The following ERG variants were observed in gnomAD, a reference collection of about 807,000 sequenced individuals.
ERG encodes the protein transcriptional regulator ERG.
Under a neutral mutation model 55.3 loss-of-function variants are expected in ERG, and 9 were observed. That is an observed-to-expected ratio of 0.16 (90% CI 0.10 to 0.28). The LOEUF is 0.28. ERG is among the 10% of genes least tolerant of loss of function. ERG has a pLI of 1.00. For missense variants in ERG, 434 were observed against 631.6 expected (o/e 0.69, Z 3.35); for synonymous variants, 223 against 237.3 (o/e 0.94, Z 0.55).
intron 2 of ERG, among the ~76,000 whole-genome samples, chr21:38,556,095 G>A (rs922683756): frequency 6.6e-6 from 1 of 151,964 alleles, no homozygotes; most frequent in African/African-American, 2.4e-5. Flanking sequence ...GGATGAAATT[G>A]CATAGGTCAC....
intron 1 of ERG, among the ~76,000 whole-genome samples, chr21:38,449,374 A>G (rs2058920528): frequency 6.6e-6 from 1 of 152,180 alleles, no homozygotes; most frequent in Non-Finnish European, 1.5e-5. Flanking sequence ...ATTACCCCCA[A>G]ACAAAAGGTA....
chr21:38,372,000 A>T, the ERG span, among the ~76,000 whole-genome samples: 1 of 152,066 alleles, frequency 6.6e-6, no homozygotes, highest in Admixed American at 6.6e-5. Context: ...AAAAGCTATG[A>T]CTATGAATTC....
At chr21:38,533,661 T>A (rs1212970343) in intron 2 of ERG, among the ~76,000 whole-genome samples, 1 of 152,244 alleles carries the variant, frequency 6.6e-6, no homozygotes, top group Non-Finnish European at 1.5e-5. Flanking sequence ...CTGGGGTATA[T>A]CATGTGTTTT....
rs777594899 is a variant in ERG at position 38,390,996 on chromosome 21, T to C, written c.918A>G (p.Pro306=). The C allele has an allele frequency of 1.2e-6, 2 of 1,612,748 alleles. No homozygotes were observed. Among genetic ancestry groups the C allele is most frequent in the Non-Finnish European group, 1.7e-6 (2 of 1,179,228 alleles). Residue 306 remains proline, a splice_region_variant and synonymous_variant, in exon 9 of 10, where the codon CCA becomes CCG. Transcript: ENST00000288319. ...LGPTSSRLAN[P]GSGQIQLWQF... ...AGAAAATCATCAGCAGTTTCTCACC[T>C]GGATTTGCAAGGCGGCTACTTGTTG...
At chr21:38,560,375 C>A (rs2146834345) in intron 2 of ERG, among the ~76,000 whole-genome samples, 1 of 152,272 alleles carries the variant, frequency 6.6e-6, no homozygotes, top group South Asian at 2.1e-4. Flanking sequence ...TCAGGCCCTG[C>A]CTCATCCCAG....
Position 38,383,172 on chromosome 21 carries a change from C to G in ERG, c.*231G>C. 8.0e-7 allele frequency: 1 copy of G among 1,250,024 alleles called. No homozygotes were observed. Among genetic ancestry groups the G allele is most frequent in the Non-Finnish European group, 1.0e-6 (1 of 997,132 alleles). The allele number at this position is 1,250,024 out of a possible 1,614,324, so 77.4% of individuals were successfully genotyped here. A position where few individuals can be genotyped will look rare whatever the true frequency, so the allele number is the denominator to read the frequency against. On this transcript the variant is annotated 3_prime_UTR_variant, in exon 10 of 10. Coordinates refer to ENST00000288319, the MANE Select transcript of ERG (RefSeq NM_182918.4). This position sits in a 1 kb window ranked among gnomAD's most constrained non-coding sequence, Gnocchi z 5.7. The stretch of plus-strand genomic sequence containing the variant: ...TACACTGTCTTTTACAAGGTCAGTC[C>G]ACAGATGATATGTCCATATTCGTGA...
At chr21:38,522,090 TTAATC>T (rs1306125166) in intron 2 of ERG, among the ~76,000 whole-genome samples, 2 of 152,190 alleles carry the variant, frequency 1.3e-5, no homozygotes, top group African/African-American at 4.8e-5. Flanking sequence ...AAGAGTTGCT[TTAATC>T]TAAACCTAAA....
At chr21:38,435,361 G>A (rs937260804) in intron 2 of ERG, among the ~76,000 whole-genome samples, 1 of 152,128 alleles carries the variant, frequency 6.6e-6, no homozygotes, top group Non-Finnish European at 1.5e-5. Context: ...GGTAATTTGT[G>A]GGTCTGTTTT....
At chr21:38,549,941 C>G (rs898364833) in intron 2 of ERG, among the ~76,000 whole-genome samples, 2 of 152,138 alleles carry the variant, frequency 1.3e-5, no homozygotes, top group African/African-American at 2.4e-5. Context: ...ATAGGTTACA[C>G]GGAAAAATTC....
chr21:38,415,369 G>A (rs189461475), intron 3 of ERG, among the ~76,000 whole-genome samples: 347 of 152,286 alleles, frequency 2.3e-3, no homozygotes, highest in Non-Finnish European at 3.0e-3. Flanking sequence ...AGTAGCTGTC[G>A]TTGCTTTTTA....
chr21:38,459,090 C>T (rs1426799673), intron 1 of ERG, among the ~76,000 whole-genome samples: 6 of 152,102 alleles, frequency 3.9e-5, no homozygotes, highest in Non-Finnish European at 8.8e-5. Flanking sequence ...GTCAGCTTTC[C>T]TCTGTGCACT....
At chr21:38,524,158 C>A (rs375316383) in intron 2 of ERG, among the ~76,000 whole-genome samples, 5 of 152,306 alleles carry the variant, frequency 3.3e-5, no homozygotes, top group African/African-American at 1.2e-4. Flanking sequence ...TGACACACTG[C>A]CAGCTCCAGA....
At chr21:38,576,434 AT>A in intron 1 of ERG, among the ~76,000 whole-genome samples, 1 of 152,322 alleles carries the variant, frequency 6.6e-6, no homozygotes, top group African/African-American at 2.4e-5. Flanking sequence ...CCCAAAAAAA[AT>A]TTGGTTTGAC....
In ERG at chr21:38,382,376, C is replaced by A. The variant is rs1439537605; in HGVS notation, c.*1027G>T. 9.4e-7 allele frequency: 1 copy of A among 1,060,270 alleles called. No homozygotes were observed. The allele number at this position is 1,060,270 out of a possible 1,614,324, so 65.7% of individuals were successfully genotyped here. A position where few individuals can be genotyped will look rare whatever the true frequency, so the allele number is the denominator to read the frequency against. On this transcript the variant is annotated 3_prime_UTR_variant, in exon 10 of 10. Transcript: ENST00000288319. ...CAAGAAGGCCATCTCTTACCTGACC[C>A]TGTGGAGAACAAAGCCCCCACATAA...
chr21:38,416,060 G>A (rs997017594), intron 3 of ERG, among the ~76,000 whole-genome samples: 9 of 152,182 alleles, frequency 5.9e-5, no homozygotes, highest in Non-Finnish European at 1.3e-4. Flanking sequence ...GGCTTTCAAA[G>A]CCCAGTGGGG....
At chr21:38,415,717 C>T (rs1210260448) in intron 3 of ERG, among the ~76,000 whole-genome samples, 1 of 152,102 alleles carries the variant, frequency 6.6e-6, no homozygotes, top group Non-Finnish European at 1.5e-5. Flanking sequence ...AGTCATTTCA[C>T]CTCTCTCAGT....
intron 3 of ERG, among the ~76,000 whole-genome samples, chr21:38,421,751 C>A (rs566489954): frequency 7.2e-5 from 11 of 152,212 alleles, no homozygotes; most frequent in African/African-American, 2.7e-4. Context: ...ATTCACTGAG[C>A]ACCTCCCACT....
intron 1 of ERG, among the ~76,000 whole-genome samples, chr21:38,600,135 A>G (rs553078643): frequency 3.1e-4 from 47 of 152,332 alleles, no homozygotes; most frequent in South Asian, 1.5e-3. Flanking sequence ...AAGAGGCAGA[A>G]GAGTCTACAG....
At chr21:38,527,222 G>A (rs1460665346) in intron 2 of ERG, among the ~76,000 whole-genome samples, 9 of 152,268 alleles carry the variant, frequency 5.9e-5, no homozygotes, top group East Asian at 3.9e-4. Context: ...AAGAAGATTC[G>A]ACATGGAGTG....
Sources: gnomAD v4.1 joint callset for allele counts (sites outside exome capture counted in the v4.1 genomes callset) on GRCh38, gnomAD v4.1.1 for gene constraint, Gnocchi (gnomAD v3.1) non-coding constraint, MANE v1.5 for transcripts, NCBI Gene and HGNC (gene_info 2026-07-23, HGNC 2026-07-21) for gene names.